Variants in RNPEP observed in about 807,000 individuals in gnomAD.
RNPEP encodes arginyl aminopeptidase.
In RNPEP, 57 loss-of-function variants were observed where a neutral mutation model predicts 70.1. The ratio of observed to expected loss-of-function variants is 0.81; its 90% CI spans 0.66 to 1.01. RNPEP has a LOEUF of 1.01. Among genes scored for constraint, RNPEP ranks in the 50% least tolerant of loss-of-function variants. The pLI, the probability that RNPEP is intolerant of heterozygous loss-of-function variation, is 0.00. For synonymous variants in RNPEP, 335 were observed against 357.4 expected (o/e 0.94, Z 0.71); for missense variants, 787 against 852.4 (o/e 0.92, Z 0.96).
chr1:202,001,184 A>G, intron 6 of RNPEP, 192 bp from the exon 7 acceptor site: 1 of 585,010 alleles, frequency 1.7e-6, no homozygotes, highest in Non-Finnish European at 3.0e-6. Context: ...CTTAAGAGAG[A>G]GAGTCTTGGC....
intron 6 of RNPEP, among the ~76,000 whole-genome samples, chr1:202,000,650 G>T (rs1208061150): frequency 3.3e-5 from 5 of 152,118 alleles, no homozygotes; most frequent in African/African-American, 1.2e-4. Context: ...GTTCACGCCT[G>T]TAATCCCAGG....
At chr1:201,993,811 A>G (rs996617476) in intron 3 of RNPEP, among the ~76,000 whole-genome samples, 1 of 151,456 alleles carries the variant, frequency 6.6e-6, no homozygotes, top group Non-Finnish European at 1.5e-5. Flanking sequence ...AAAACCCTTA[A>G]CTCCATATTC....
chr1:201,998,110 C>T (rs566137451), intron 5 of RNPEP, among the ~76,000 whole-genome samples: 1 of 152,170 alleles, frequency 6.6e-6, no homozygotes, highest in South Asian at 2.1e-4. Context: ...TTTTAATTTA[C>T]TGGTTGTTTC....
intron 1 of RNPEP, among the ~76,000 whole-genome samples, chr1:201,988,639 A>G (rs1431582200): frequency 6.6e-6 from 1 of 152,122 alleles, no homozygotes; most frequent in African/African-American, 2.4e-5. Flanking sequence ...GCTCGGTCCA[A>G]GGTCTCTGAG....
chr1:201,989,223 A>G (rs1483371634), intron 2 of RNPEP, among the ~76,000 whole-genome samples, 160 bp from the exon 3 acceptor site: 1 of 152,182 alleles, frequency 6.6e-6, no homozygotes, highest in Non-Finnish European at 1.5e-5. Flanking sequence ...TCTAAATCCC[A>G]TCAGTTGAGC....
intron 1 of RNPEP, among the ~76,000 whole-genome samples, chr1:201,985,569 C>T (rs6689324): frequency 0.55 from 83,920 of 151,952 alleles, 23,526 homozygotes; most frequent in Non-Finnish European, 0.6. Flanking sequence ...ATTGAGCAGC[C>T]AGTTCAGAGA....
intron 3 of RNPEP, among the ~76,000 whole-genome samples, chr1:201,994,559 G>A (rs1479194251): frequency 6.6e-6 from 1 of 152,080 alleles, no homozygotes; most frequent in African/African-American, 2.4e-5. Flanking sequence ...ACCTGATACT[G>A]GTTTCCCTGT....
intron 1 of RNPEP, among the ~76,000 whole-genome samples, chr1:201,986,543 T>C (rs1193712296): frequency 4.6e-5 from 7 of 151,284 alleles, no homozygotes; most frequent in Admixed American, 2.6e-4. Flanking sequence ...TTTCTTTTTT[T>C]TTTTTTTTTT....
chr1:201,998,537 C>A (rs923910499), intron 5 of RNPEP, among the ~76,000 whole-genome samples: 1 of 152,170 alleles, frequency 6.6e-6, no homozygotes, highest in Non-Finnish European at 1.5e-5. Flanking sequence ...TGAGCCACTG[C>A]GCCCGGCCCT....
chr1:202,000,304 A>G, intron 6 of RNPEP: 1 of 306,308 alleles, frequency 3.3e-6, no homozygotes. Context: ...TTCCTTCATG[A>G]TCATCAGGGC....
intron 3 of RNPEP, chr1:201,995,847 A>C (rs1683525560): frequency 3.2e-6 from 1 of 316,160 alleles, no homozygotes; most frequent in Admixed American, 4.5e-5. Context: ...CTCATTTTAC[A>C]GATGAGGAAA....
At chr1:201,984,152 G>T (rs1288485126) in intron 1 of RNPEP, among the ~76,000 whole-genome samples, 1 of 152,120 alleles carries the variant, frequency 6.6e-6, no homozygotes, top group African/African-American at 2.4e-5. Context: ...GGCTGGTCTC[G>T]AACTCCTGAC....
intron 3 of RNPEP, 63 bp downstream of exon 3, chr1:201,989,594 C>G (rs1368161724): frequency 3.8e-6 from 6 of 1,571,406 alleles, no homozygotes; most frequent in Non-Finnish European, 5.2e-6. Flanking sequence ...GGACTCTGAC[C>G]AGTGGACCTG....
intron 3 of RNPEP, among the ~76,000 whole-genome samples, chr1:201,992,826 C>T (rs1000086986): frequency 6.6e-6 from 1 of 152,100 alleles, no homozygotes; most frequent in Admixed American, 6.6e-5. Context: ...CTCAATTCTT[C>T]GTGAAAAGTT....
chr1:202,004,036 G>A (rs1273141841), intron 9 of RNPEP, among the ~76,000 whole-genome samples: 2 of 152,152 alleles, frequency 1.3e-5, no homozygotes, highest in African/African-American at 2.4e-5. Flanking sequence ...GGGGGAATAT[G>A]TCTGCTTTAA....
chr1:201,983,749 G>T, intron 1 of RNPEP: 2 of 1,109,408 alleles, frequency 1.8e-6, no homozygotes, highest in Non-Finnish European at 1.1e-6. Context: ...TCTCACTGTT[G>T]GTTAACTCTT....
In RNPEP at chr1:201,996,150, C is replaced by T. The variant is rs1390090932; in HGVS notation, c.741C>T (p.Ser247=). 6.2e-7 allele frequency: 1 copy of T among 1,613,158 alleles called. No individual in the cohort carries two copies. The highest frequency in any genetic ancestry group is 8.5e-7 in the Non-Finnish European group (1 of 1,179,160). ...TTCTCTGCTCTCTTGTCTTTAGGAG[C>T]CGGGTGTGGGCTGAGCCCTGCCTGA... ...DLVSAEVGPR[S]RVWAEPCLID... The change falls in exon 4 of 11, where the codon AGC becomes AGT. Residue 247 remains serine, a synonymous_variant. Transcript: ENST00000295640.
Sources: allele counts gnomAD v4.1 joint callset (sites outside exome capture counted in the v4.1 genomes callset), GRCh38; gene constraint gnomAD v4.1.1; transcripts MANE v1.5; gene names NCBI Gene and HGNC (gene_info 2026-07-23, HGNC 2026-07-21).